The following SPOCK1 variants were observed in gnomAD, a reference collection of about 807,000 sequenced individuals.
SPOCK1 encodes testican-1.
SPOCK1 carries 23 observed loss-of-function variants against 55.3 expected under a neutral mutation model. The observed-to-expected ratio is 0.42, with a 90% confidence interval of 0.30 to 0.59. The LOEUF (loss-of-function observed/expected upper bound fraction) is 0.59. Among genes scored for constraint, SPOCK1 ranks in the 20% least tolerant of loss-of-function variants. The pLI is 0.22. For missense variants in SPOCK1, 499 were observed against 552.5 expected (o/e 0.90, Z 0.97); for synonymous variants, 226 against 221.0 (o/e 1.02, Z -0.20).
chr5:137,350,509 C>A (rs1750654721), intron 2 of SPOCK1, among the ~76,000 whole-genome samples: 1 of 152,098 alleles, frequency 6.6e-6, no homozygotes, highest in Non-Finnish European at 1.5e-5. Flanking sequence ...CTGGAGGGTA[C>A]AACACTGCTT....
intron 2 of SPOCK1, among the ~76,000 whole-genome samples, chr5:137,270,474 T>C (rs2127118620): frequency 6.6e-6 from 1 of 152,354 alleles, no homozygotes; most frequent in Non-Finnish European, 1.5e-5. Flanking sequence ...TATAATTATG[T>C]CAGGCATCTT....
At chr5:137,292,031 C>T (rs1490676394) in intron 2 of SPOCK1, among the ~76,000 whole-genome samples, 1 of 152,148 alleles carries the variant, frequency 6.6e-6, no homozygotes, top group Non-Finnish European at 1.5e-5. Context: ...GAGAATAAAT[C>T]CAATGTGCCA....
chr5:137,322,374 G>A (rs1015617461), intron 2 of SPOCK1, among the ~76,000 whole-genome samples: 1 of 149,892 alleles, frequency 6.7e-6, no homozygotes, highest in Non-Finnish European at 1.5e-5. Context: ...AAACTCACTG[G>A]TAAAGGTAAA....
chr5:137,020,456 TATAAAAGATATTCAGAAGAAA>T (rs35684600), intron 6 of SPOCK1, among the ~76,000 whole-genome samples: 2,581 of 151,974 alleles, frequency 0.017, 54 homozygotes, highest in African/African-American at 0.044. Flanking sequence ...CACTTAATAA[TATAAAAGATATTCAGAAGAAA>T]ATAGAATATG....
At chr5:137,076,381 T>C (rs1752760365) in intron 5 of SPOCK1, among the ~76,000 whole-genome samples, 1 of 152,232 alleles carries the variant, frequency 6.6e-6, no homozygotes, top group Non-Finnish European at 1.5e-5. Context: ...CTGAACTTAC[T>C]ATGGGGTTAC....
At chr5:137,462,114 A>C (rs1753500833) in intron 2 of SPOCK1, among the ~76,000 whole-genome samples, 1 of 152,234 alleles carries the variant, frequency 6.6e-6, no homozygotes, top group Admixed American at 6.5e-5. Flanking sequence ...GGAAGTGGGA[A>C]GGTCCTGATG....
chr5:137,010,431 A>C (rs1751329077), intron 6 of SPOCK1, among the ~76,000 whole-genome samples: 1 of 151,808 alleles, frequency 6.6e-6, no homozygotes, highest in African/African-American at 2.4e-5. Context: ...CGAGGAAGGG[A>C]GGGGCAGGGA....
At chr5:137,057,926 A>G (rs1752331498) in intron 6 of SPOCK1, among the ~76,000 whole-genome samples, 1 of 152,256 alleles carries the variant, frequency 6.6e-6, no homozygotes, top group Non-Finnish European at 1.5e-5. Context: ...GAAAAGCATA[A>G]TATGGTGATG....
chr5:137,333,695 C>T (rs937186499), intron 2 of SPOCK1, among the ~76,000 whole-genome samples: 17 of 152,166 alleles, frequency 1.1e-4, no homozygotes, highest in African/African-American at 3.1e-4. Context: ...GCTGTATGCC[C>T]GGCACCCAAG....
intron 2 of SPOCK1, among the ~76,000 whole-genome samples, chr5:137,458,604 C>A (rs1753415468): frequency 6.6e-6 from 1 of 152,134 alleles, no homozygotes; most frequent in African/African-American, 2.4e-5. Flanking sequence ...CATTACTGTT[C>A]AATTATCCCA....
chr5:137,488,628 G>A (rs1400180540), intron 2 of SPOCK1, among the ~76,000 whole-genome samples: 2 of 152,122 alleles, frequency 1.3e-5, no homozygotes, highest in Non-Finnish European at 2.9e-5. Context: ...CCATTTGCAC[G>A]GCGGGACAGA....
At chr5:137,490,395 C>T (rs554894293) in intron 2 of SPOCK1, among the ~76,000 whole-genome samples, 10 of 152,250 alleles carry the variant, frequency 6.6e-5, no homozygotes, top group African/African-American at 2.2e-4. Context: ...AAGAACTTCC[C>T]CAAGTATAGT....
intron 2 of SPOCK1, among the ~76,000 whole-genome samples, chr5:137,338,863 GTTGT>G (rs376735080): frequency 2.4e-4 from 37 of 152,250 alleles, no homozygotes; most frequent in South Asian, 4.1e-4. Flanking sequence ...TTTTGATGGG[GTTGT>G]TTGTTTTTTT....
intron 4 of SPOCK1, among the ~76,000 whole-genome samples, chr5:137,117,319 T>G (rs1168701978): frequency 6.6e-6 from 1 of 152,256 alleles, no homozygotes; most frequent in African/African-American, 2.4e-5. Context: ...TTCAAATCCA[T>G]TGCTTTCTGT....
At chr5:137,012,142 G>A (rs1197232083) in intron 6 of SPOCK1, among the ~76,000 whole-genome samples, 3 of 152,120 alleles carry the variant, frequency 2.0e-5, no homozygotes, top group African/African-American at 4.8e-5. Context: ...GCACACGAAC[G>A]TTCTGTGAGG....
chr5:137,169,037 T>A (rs573054695), intron 3 of SPOCK1, among the ~76,000 whole-genome samples: 2 of 152,262 alleles, frequency 1.3e-5, no homozygotes, highest in African/African-American at 4.8e-5. Context: ...TGAGATCTTG[T>A]CATTTGCAAC....
At position 137,446,273 on chromosome 5, in the gene SPOCK1, GT is replaced by G. The variant is rs538874228; in HGVS notation, c.186+52099del. Among the ~76,000 whole-genome samples, 284 of 152,268 alleles carry G rather than the reference GT, an allele frequency of 1.9e-3. 1 individual carries two copies. Among genetic ancestry groups the G allele is most frequent in the Admixed American group, 2.7e-3 (42 of 15,278 alleles). On this transcript the variant is annotated intron_variant, in intron 2 of 10. Transcript: ENST00000394945. Reference sequence around the variant, plus strand: ...TTTCCTGCTGTACCTTGTAAAAATCGTTAACAGCAGAGTCACTGCAATTAAA... The same window carrying G: ...TTTCCTGCTGTACCTTGTAAAAATCGTAACAGCAGAGTCACTGCAATTAAA...
At chr5:137,237,583 C>T (rs569810686) in intron 3 of SPOCK1, among the ~76,000 whole-genome samples, 35 of 152,302 alleles carry the variant, frequency 2.3e-4, no homozygotes, top group African/African-American at 7.2e-4. Flanking sequence ...ATTTTGTAAA[C>T]AAGACATGTG....
intron 2 of SPOCK1, among the ~76,000 whole-genome samples, chr5:137,411,798 T>A (rs924577219): frequency 3.3e-5 from 5 of 152,226 alleles, no homozygotes; most frequent in South Asian, 2.1e-4. Flanking sequence ...ATGCAATGGA[T>A]AATGACAGCT....
Sources: allele counts gnomAD v4.1 joint callset (sites outside exome capture counted in the v4.1 genomes callset), GRCh38; gene constraint gnomAD v4.1.1; transcripts MANE v1.5; gene names NCBI Gene and HGNC (gene_info 2026-07-23, HGNC 2026-07-21).